DGKB: variants seen among roughly 807,000 people sequenced by gnomAD.
The protein encoded by DGKB is diacylglycerol kinase beta, also known as 90 kDa diacylglycerol kinase.
In DGKB, 67 loss-of-function variants were observed where a neutral mutation model predicts 114.3. The observed-to-expected ratio is 0.59, with a 90% confidence interval of 0.48 to 0.72. The LOEUF is 0.72. Ranked by LOEUF, DGKB falls within the 30% of genes least tolerant of loss-of-function variation. The probability of loss-of-function intolerance (pLI) is 0.00; values close to 1 mark genes in which losing one functional copy is unlikely to be tolerated. For missense variants in DGKB, 907 were observed against 975.2 expected (o/e 0.93, Z 0.93); for synonymous variants, 398 against 323.1 (o/e 1.23, Z -2.49).
intron 20 of DGKB, among the ~76,000 whole-genome samples, chr7:14,480,541 A>C (rs1782837550): frequency 6.6e-6 from 1 of 152,144 alleles, no homozygotes; most frequent in African/African-American, 2.4e-5. Context: ...GCCATTTTTC[A>C]AGAGACACCA....
At chr7:14,377,695 G>T (rs1818730460) in intron 21 of DGKB, among the ~76,000 whole-genome samples, 1 of 152,144 alleles carries the variant, frequency 6.6e-6, no homozygotes, top group Non-Finnish European at 1.5e-5. Context: ...CAAGATGCCT[G>T]TGGGAACAAT....
chr7:14,431,601 T>C (rs1563170181), intron 21 of DGKB, among the ~76,000 whole-genome samples: 1 of 152,270 alleles, frequency 6.6e-6, no homozygotes, highest in East Asian at 1.9e-4. Flanking sequence ...GGCAATACTC[T>C]AGGTGCCTTA....
At chr7:14,814,862 C>T (rs1157982169) in intron 2 of DGKB, among the ~76,000 whole-genome samples, 1 of 152,158 alleles carries the variant, frequency 6.6e-6, no homozygotes, top group Non-Finnish European at 1.5e-5. Flanking sequence ...TTATGCTCTT[C>T]TTCAGCTCAG....
At chr7:14,606,767 A>C (rs1804586784) in intron 17 of DGKB, among the ~76,000 whole-genome samples, 1 of 152,098 alleles carries the variant, frequency 6.6e-6, no homozygotes, top group Admixed American at 6.6e-5. Flanking sequence ...GCATATCAGT[A>C]ACTTCAAAAG....
intron 1 of DGKB, among the ~76,000 whole-genome samples, chr7:14,928,901 C>G (rs79271098): frequency 1.3e-3 from 197 of 152,024 alleles, no homozygotes; most frequent in African/African-American, 4.6e-3. Context: ...TTATCTAGCT[C>G]TAACTTACAA....
At position 14,176,713 on chromosome 7, in the gene DGKB, C is replaced by G; in HGVS notation, c.2304+126G>C. ...GGCTCTGACACACACATAACAACAACAACAAAAAGACTATTTGCTGATAGG... is the reference window on the plus strand; with the variant it reads ...GGCTCTGACACACACATAACAACAAGAACAAAAAGACTATTTGCTGATAGG... On this transcript the variant is annotated intron_variant, in intron 25 of 25. Coordinates refer to ENST00000402815, the MANE Select transcript of DGKB (RefSeq NM_001350709.2). 4.0e-6 allele frequency: 6 copies of G among 1,497,010 alleles called. 1 individual carries two copies. The South Asian group carries it at 8.0e-5, about 20-fold the overall frequency. 92.7% of individuals were successfully genotyped at this position (1,497,010 alleles called of 1,614,324 possible). A position where few individuals can be genotyped will look rare whatever the true frequency, so the allele number is the denominator to read the frequency against.
At chr7:14,905,172 G>A (rs1783623656), upstream of DGKB, among the ~76,000 whole-genome samples, 1 of 151,106 alleles carries the variant, frequency 6.6e-6, no homozygotes, top group Non-Finnish European at 1.5e-5. Context: ...TAAACATCTG[G>A]TCTGGGTAGA....
intron 1 of DGKB, among the ~76,000 whole-genome samples, chr7:14,852,212 A>T (rs1849441830): frequency 6.6e-6 from 1 of 152,034 alleles, no homozygotes; most frequent in African/African-American, 2.4e-5. Context: ...ATGTGTGTGT[A>T]TGTTTAACTC....
At chr7:14,813,740 T>G (rs574788418) in intron 2 of DGKB, among the ~76,000 whole-genome samples, 1 of 152,176 alleles carries the variant, frequency 6.6e-6, no homozygotes, top group Admixed American at 6.5e-5. Context: ...ATATATAATG[T>G]TTTCTTTCAT....
At chr7:14,850,494 G>A (rs1033421674) in intron 1 of DGKB, among the ~76,000 whole-genome samples, 5 of 152,026 alleles carry the variant, frequency 3.3e-5, no homozygotes, top group African/African-American at 1.2e-4. Context: ...AGTCTGTGAG[G>A]GCCAAAATTA....
intron 21 of DGKB, among the ~76,000 whole-genome samples, chr7:14,446,664 A>G (rs931359229): frequency 4.6e-5 from 7 of 152,176 alleles, no homozygotes; most frequent in African/African-American, 1.7e-4. Flanking sequence ...ACTTAGCTCA[A>G]TATTTGCTCA....
At chr7:14,778,525 T>C (rs1392665420) in intron 2 of DGKB, among the ~76,000 whole-genome samples, 1 of 152,220 alleles carries the variant, frequency 6.6e-6, no homozygotes, top group Non-Finnish European at 1.5e-5. Context: ...TTTTCCAGTA[T>C]TAATTACTCT....
chr7:14,422,517 C>T (rs1447667882), intron 21 of DGKB, among the ~76,000 whole-genome samples: 1 of 151,834 alleles, frequency 6.6e-6, no homozygotes, highest in Admixed American at 6.6e-5. Context: ...ACTCACATAC[C>T]GCAGCAGAGG....
intron 21 of DGKB, among the ~76,000 whole-genome samples, chr7:14,475,172 A>G (rs1357217075): frequency 1.3e-5 from 2 of 152,136 alleles, no homozygotes; most frequent in African/African-American, 4.8e-5. Flanking sequence ...GATAATATTA[A>G]TGGCATGTGA....
At chr7:14,205,977 G>C (rs1248837001) in intron 23 of DGKB, among the ~76,000 whole-genome samples, 1 of 151,576 alleles carries the variant, frequency 6.6e-6, no homozygotes, top group Non-Finnish European at 1.5e-5. Context: ...ATAGACTTTG[G>C]GTAAGATCAT....
At chr7:14,173,966 A>C (rs986596417) in intron 25 of DGKB, among the ~76,000 whole-genome samples, 27 of 152,228 alleles carry the variant, frequency 1.8e-4, no homozygotes, top group African/African-American at 6.5e-4. Flanking sequence ...TGAATGTCTT[A>C]TTACTTATTG....
chr7:14,923,087 G>T (rs528377137), intron 1 of DGKB, among the ~76,000 whole-genome samples: 136 of 152,168 alleles, frequency 8.9e-4, no homozygotes, highest in African/African-American at 3.2e-3. Flanking sequence ...AGGTATTTTT[G>T]GTACACAGTT....
intron 23 of DGKB, among the ~76,000 whole-genome samples, chr7:14,269,522 G>A (rs567541182): frequency 4.6e-4 from 70 of 152,190 alleles, no homozygotes; most frequent in African/African-American, 1.6e-3. Flanking sequence ...TATTTTGAAG[G>A]CTATATTCTT....
At chr7:14,195,787 G>A (rs539286696) in intron 23 of DGKB, among the ~76,000 whole-genome samples, 1 of 152,220 alleles carries the variant, frequency 6.6e-6, no homozygotes, top group Non-Finnish European at 1.5e-5. Flanking sequence ...GAGGAAAAGT[G>A]ATTTACAGTA....
Sources: allele counts gnomAD v4.1 joint callset (sites outside exome capture counted in the v4.1 genomes callset), GRCh38; gene constraint gnomAD v4.1.1; transcripts MANE v1.5; gene names NCBI Gene and HGNC (gene_info 2026-07-23, HGNC 2026-07-21).